MACROD2: variants seen among roughly 807,000 people sequenced by gnomAD.
MACROD2 encodes the protein mono-ADP ribosylhydrolase 2, also known as ADP-ribose glycohydrolase MACROD2.
MACROD2 carries 36 observed loss-of-function variants against 70.4 expected under a neutral mutation model. The observed-to-expected ratio is 0.51, with a 90% CI of 0.39 to 0.68. The LOEUF (loss-of-function observed/expected upper bound fraction) is 0.68. Among genes scored for constraint, MACROD2 ranks in the 30% least tolerant of loss-of-function variants. MACROD2 has a pLI of 0.00. For synonymous variants in MACROD2, 172 were observed against 178.8 expected, an observed-to-expected ratio of 0.96 and a Z score of 0.30; for missense variants, 496 against 538.4, an observed-to-expected ratio of 0.92 and a Z score of 0.78.
intron 5 of MACROD2, among the ~76,000 whole-genome samples, chr20:14,950,287 T>G (rs2074465097): frequency 6.6e-6 from 1 of 152,108 alleles, no homozygotes. Flanking sequence ...AGACACTGGT[T>G]GTTCATTAGG....
intron 7 of MACROD2, among the ~76,000 whole-genome samples, chr20:15,457,181 T>G (rs935274035): frequency 6.6e-6 from 1 of 152,022 alleles, no homozygotes; most frequent in African/African-American, 2.4e-5. Flanking sequence ...GAAATTCTAG[T>G]GCTCAAATTG....
At chr20:14,680,336 A>G (rs975010505) in intron 4 of MACROD2, among the ~76,000 whole-genome samples, 2 of 152,186 alleles carry the variant, frequency 1.3e-5, no homozygotes, top group South Asian at 2.1e-4. Flanking sequence ...TGTCTATAGA[A>G]TTTGGAATTT....
chr20:15,704,034 G>A (rs1468072546), intron 8 of MACROD2, among the ~76,000 whole-genome samples: 7 of 152,082 alleles, frequency 4.6e-5, no homozygotes, highest in African/African-American at 1.7e-4. Context: ...GAATACCAGG[G>A]GGTGAGAATG....
intron 2 of MACROD2, among the ~76,000 whole-genome samples, chr20:14,014,258 GGA>G (rs1414209677): frequency 1.7e-5 from 2 of 119,126 alleles, no homozygotes; most frequent in Admixed American, 2.5e-4. Context: ...TTTTTGCATA[GGA>G]GAGAGTCTTC....
At chr20:14,706,809 A>C (rs1434397643) in intron 5 of MACROD2, among the ~76,000 whole-genome samples, 3 of 152,122 alleles carry the variant, frequency 2.0e-5, no homozygotes, top group African/African-American at 7.2e-5. Flanking sequence ...TGAAGGGCAC[A>C]ATTGCCGAAA....
intron 2 of MACROD2, among the ~76,000 whole-genome samples, chr20:14,006,178 G>A (rs182559926): frequency 9.6e-4 from 146 of 152,276 alleles, no homozygotes; most frequent in Non-Finnish European, 1.5e-3. Flanking sequence ...TAATCTAGGT[G>A]TGTATAGACT....
intron 8 of MACROD2, among the ~76,000 whole-genome samples, chr20:15,644,151 CTG>C (rs140986679): frequency 0.02 from 3,061 of 152,234 alleles, 104 homozygotes; most frequent in African/African-American, 0.069. Flanking sequence ...GCCCTCTACA[CTG>C]CATCCCCATT....
At chr20:15,051,701 A>T (rs1201265290) in intron 5 of MACROD2, among the ~76,000 whole-genome samples, 1 of 151,606 alleles carries the variant, frequency 6.6e-6, no homozygotes, top group Non-Finnish European at 1.5e-5. Flanking sequence ...TGAATAACTG[A>T]GTACTAAAGT....
At chr20:15,033,639 G>A (rs529683848) in intron 5 of MACROD2, among the ~76,000 whole-genome samples, 2 of 152,322 alleles carry the variant, frequency 1.3e-5, no homozygotes, top group Admixed American at 6.5e-5. Context: ...AATAATTTAA[G>A]CTAAGCTAAG....
rs914414239 is a variant in MACROD2 at position 14,283,662 on chromosome 20, A to AT, written c.271+197945dup. Among the ~76,000 whole-genome samples, 53 of 149,680 alleles carry AT rather than the reference A, an allele frequency of 3.5e-4. 1 individual carries two copies. The South Asian group carries it at 3.6e-3, about 10-fold the overall frequency. ...GTGGAGACAAAAGGGAGAGCACACAATTTTTTTTTTTATTTTTAGTAGAGA... is the reference window on the plus strand; with the variant it reads ...GTGGAGACAAAAGGGAGAGCACACAATTTTTTTTTTTTATTTTTAGTAGAGA... On this transcript the variant is annotated intron_variant, in intron 3 of 17. Transcript: ENST00000684519.
intron 3 of MACROD2, among the ~76,000 whole-genome samples, chr20:14,341,304 C>T (rs931971922): frequency 3.3e-5 from 5 of 152,208 alleles, no homozygotes; most frequent in African/African-American, 1.2e-4. Flanking sequence ...TCCTTTCCCT[C>T]AGCATTCTTC....
chr20:14,558,065 A>G (rs920635366), intron 4 of MACROD2, among the ~76,000 whole-genome samples: 1 of 151,772 alleles, frequency 6.6e-6, no homozygotes, highest in Non-Finnish European at 1.5e-5. Context: ...TACAAGACAA[A>G]TGAACTTTGG....
At chr20:15,270,022 A>G (rs2077331647) in intron 6 of MACROD2, among the ~76,000 whole-genome samples, 1 of 152,122 alleles carries the variant, frequency 6.6e-6, no homozygotes, top group South Asian at 2.1e-4. Flanking sequence ...TAAATTTCTA[A>G]TGGTTGGCCA....
intron 3 of MACROD2, among the ~76,000 whole-genome samples, chr20:14,395,008 T>C (rs1243869632): frequency 6.6e-6 from 1 of 152,132 alleles, no homozygotes; most frequent in East Asian, 1.9e-4. Context: ...TTAAGATTTT[T>C]TATATATATT....
intron 3 of MACROD2, among the ~76,000 whole-genome samples, chr20:14,111,595 G>A (rs896625510): frequency 2.0e-5 from 3 of 151,900 alleles, no homozygotes; most frequent in Non-Finnish European, 2.9e-5. Context: ...ATGTCAAACA[G>A]GCATATGAAA....
At chr20:15,192,014 GTATCTATCTATCTATCTATCTATC>G (rs71190179) in intron 5 of MACROD2, among the ~76,000 whole-genome samples, 9 of 146,388 alleles carry the variant, frequency 6.1e-5, no homozygotes, top group South Asian at 2.3e-4. Flanking sequence ...TATTAACTAT[GTATCTATCTATCTATCTATCTATC>G]TATCTATCTA....
At chr20:15,145,371 T>C (rs2076222933) in intron 5 of MACROD2, among the ~76,000 whole-genome samples, 1 of 152,148 alleles carries the variant, frequency 6.6e-6, no homozygotes, top group Non-Finnish European at 1.5e-5. Context: ...ACTCTATTTT[T>C]TTTTGAAAAA....
chr20:14,736,687 G>A (rs1421221504), intron 5 of MACROD2, among the ~76,000 whole-genome samples: 1 of 151,994 alleles, frequency 6.6e-6, no homozygotes, highest in South Asian at 2.1e-4. Flanking sequence ...TCATCATGAC[G>A]ACTCTCTGAA....
chr20:15,639,454 C>G (rs923006607), intron 8 of MACROD2, among the ~76,000 whole-genome samples: 1 of 152,156 alleles, frequency 6.6e-6, no homozygotes, highest in Non-Finnish European at 1.5e-5. Flanking sequence ...AGTTCCTACT[C>G]CCTACTCTCC....
Sources: gnomAD v4.1 joint callset for allele counts (sites outside exome capture counted in the v4.1 genomes callset) on GRCh38, gnomAD v4.1.1 for gene constraint, MANE v1.5 for transcripts, NCBI Gene and HGNC (gene_info 2026-07-23, HGNC 2026-07-21) for gene names.